SECISBP2L: variants seen among roughly 807,000 people sequenced by gnomAD.
The protein encoded by SECISBP2L is selenocysteine insertion sequence-binding protein 2-like.
SECISBP2L carries 43 observed loss-of-function variants against 114.7 expected under a neutral mutation model. The observed-to-expected ratio is 0.38, with a 90% CI of 0.29 to 0.48. The LOEUF (loss-of-function observed/expected upper bound fraction) is 0.48. Among genes scored for constraint, SECISBP2L ranks in the 20% least tolerant of loss-of-function variants. SECISBP2L has a pLI of 0.98. For synonymous variants in SECISBP2L, 451 were observed against 439.7 expected, an observed-to-expected ratio of 1.03 and a Z score of -0.32; for missense variants, 1,136 against 1,301.1, an observed-to-expected ratio of 0.87 and a Z score of 1.95.
Position 49,046,257 on chromosome 15 carries a change from C to T in SECISBP2L, c.24+19G>A. 6.4e-7 allele frequency: 1 copy of T among 1,564,766 alleles called. No homozygotes were observed. The highest frequency in any genetic ancestry group is 8.6e-7 in the Non-Finnish European group (1 of 1,158,616). On this transcript the variant is annotated intron_variant, in intron 1 of 17. Coordinates refer to ENST00000559471, the MANE Select transcript of SECISBP2L (RefSeq NM_001193489.2). ...GACCCCAACCCCCGGCTCGGCGGGC[C>T]CAGCCCAAACCCGCGTACCTGCTCC...
At chr15:49,043,559 T>C (rs1200244431) in intron 1 of SECISBP2L, among the ~76,000 whole-genome samples, 1 of 151,494 alleles carries the variant, frequency 6.6e-6, no homozygotes, top group Non-Finnish European at 1.5e-5. Context: ...AGTAAGCCTT[T>C]ATAAACAAAA....
chr15:49,023,314 G>C (rs1340636534), intron 7 of SECISBP2L, among the ~76,000 whole-genome samples: 1 of 152,122 alleles, frequency 6.6e-6, no homozygotes, highest in Non-Finnish European at 1.5e-5. Flanking sequence ...AAGTTCACAG[G>C]AAAAGAAGTA....
intron 14 of SECISBP2L, among the ~76,000 whole-genome samples, chr15:49,001,381 C>A (rs750947715): frequency 2.0e-5 from 3 of 151,856 alleles, no homozygotes; most frequent in Non-Finnish European, 4.4e-5. Flanking sequence ...TCCCCATCAC[C>A]TAGAAAAAGG....
chr15:49,044,250 T>C (rs1903198037), intron 1 of SECISBP2L, among the ~76,000 whole-genome samples: 1 of 152,132 alleles, frequency 6.6e-6, no homozygotes, highest in Non-Finnish European at 1.5e-5. Context: ...TTCACTTCAA[T>C]AGTAGAAATA....
At chr15:49,031,424 T>G (rs1018667653) in intron 4 of SECISBP2L, among the ~76,000 whole-genome samples, 49 of 152,342 alleles carry the variant, frequency 3.2e-4, no homozygotes, top group South Asian at 6.2e-4. Context: ...TTCAGTGTTA[T>G]TGTTAATGAC....
chr15:49,010,563 T>C (rs1902417781), intron 13 of SECISBP2L, among the ~76,000 whole-genome samples: 1 of 152,076 alleles, frequency 6.6e-6, no homozygotes. Context: ...CGGGCTGGAG[T>C]GCAGTGGCAT....
chr15:49,000,081 G>A, intron 15 of SECISBP2L, 94 bp from the exon 16 acceptor site: 2 of 1,301,268 alleles, frequency 1.5e-6, no homozygotes, highest in Non-Finnish European at 2.1e-6. Flanking sequence ...TCGCAGCAAA[G>A]AATTCTATGA....
At chr15:48,999,358 A>C (rs1189369241) in intron 16 of SECISBP2L, among the ~76,000 whole-genome samples, 1 of 152,168 alleles carries the variant, frequency 6.6e-6, no homozygotes, top group Non-Finnish European at 1.5e-5. Context: ...GCAGATTGCC[A>C]AAGAGATGAT....
At chr15:49,009,517 T>G (rs1902394427) in intron 13 of SECISBP2L, 139 bp from the exon 14 acceptor site, 1 of 714,684 alleles carries the variant, frequency 1.4e-6, no homozygotes, top group East Asian at 2.7e-5. Context: ...GGTGGGCATT[T>G]TTCATATCAC....
chr15:49,008,829 T>C (rs1902376397), intron 14 of SECISBP2L, among the ~76,000 whole-genome samples: 1 of 152,202 alleles, frequency 6.6e-6, no homozygotes, highest in African/African-American at 2.4e-5. Flanking sequence ...CTTCATATAA[T>C]AGGGTCTTAG....
chr15:49,006,236 C>A (rs927325455), intron 14 of SECISBP2L, among the ~76,000 whole-genome samples: 1 of 152,086 alleles, frequency 6.6e-6, no homozygotes, highest in Non-Finnish European at 1.5e-5. Context: ...TGGGTTTGTT[C>A]TTCTCAAGGA....
In SECISBP2L at chr15:49,012,739, G is replaced by A; in HGVS notation, c.1640C>T (p.Ser547Phe). The change falls in exon 12 of 18, where the codon TCC becomes TTC. Residue 547 changes from serine (S) to phenylalanine (F), a missense_variant. Transcript: ENST00000559471. The stretch of plus-strand genomic sequence containing the variant: ...AGAAGCAATGTCCACAGAATTAAAG[G>A]ATGTCAAACAGGGCTGACTTTTGGT... ...PLTKSQPCLT[S>F]FNSVDIASSK... The A allele has an allele frequency of 6.2e-7, 1 of 1,613,874 alleles. No homozygotes were observed.
rs1437054464 is a variant in SECISBP2L at position 49,031,011 on chromosome 15, G to A, written c.664+1954C>T. Among the ~76,000 whole-genome samples, 4 of 126,894 alleles carry A rather than the reference G, an allele frequency of 3.2e-5. No homozygotes were observed. In the South Asian group the frequency reaches 8.1e-4, roughly 26 times the overall value. The allele number at this position is 126,894 out of a possible 152,430, so 83.2% of individuals were successfully genotyped here. A position where few individuals can be genotyped will look rare whatever the true frequency, so the allele number is the denominator to read the frequency against. On this transcript the variant is annotated intron_variant, in intron 4 of 17. Coordinates refer to ENST00000559471, the MANE Select transcript of SECISBP2L (RefSeq NM_001193489.2). The stretch of plus-strand genomic sequence containing the variant: ...ACATGATATTTAGGTTTTTCTTAAT[G>A]TCCCATAATAAAGACTTATCATTTT...
intron 7 of SECISBP2L, 139 bp downstream of exon 7, chr15:49,027,226 G>C: frequency 1.9e-6 from 1 of 521,640 alleles, no homozygotes; most frequent in Admixed American, 3.2e-5. Flanking sequence ...AAGTTTATTA[G>C]CTAAGCCATT....
chr15:49,025,057 TAC>T (rs1428042648), intron 7 of SECISBP2L, among the ~76,000 whole-genome samples: 15 of 152,172 alleles, frequency 9.9e-5, no homozygotes, highest in African/African-American at 3.6e-4. Flanking sequence ...GACTAGCAAT[TAC>T]AGTCTCAACA....
chr15:49,037,712 T>C lies in SECISBP2L; in HGVS notation c.82A>G (p.Thr28Ala), dbSNP rs1903041775. The C allele has an allele frequency of 6.2e-7, 1 of 1,613,206 alleles. No individual in the cohort carries two copies. Among genetic ancestry groups the C allele is most frequent in the Non-Finnish European group, 8.5e-7 (1 of 1,179,538 alleles). ...PFIPQKKSPD[T>A]FMIPMALPND... ...GGGAGAGCCATAGGGATCATAAATG[T>C]ATCAGGACTCTTCTTCTGGGGAATA... Residue 28 changes from threonine (T) to alanine (A), a missense_variant, in exon 2 of 18, where the codon ACA becomes GCA. By Grantham distance (58) the Thr-to-Ala change is moderately conservative. Coordinates refer to ENST00000559471, the MANE Select transcript of SECISBP2L (RefSeq NM_001193489.2).
intron 14 of SECISBP2L, among the ~76,000 whole-genome samples, chr15:49,006,357 C>G (rs902111189): frequency 6.6e-6 from 1 of 152,106 alleles, no homozygotes; most frequent in Non-Finnish European, 1.5e-5. Context: ...AACTTGGTTC[C>G]ATTCTCCTCG....
At chr15:49,027,605 T>A (rs1174412190) in intron 6 of SECISBP2L, 125 bp from the exon 7 acceptor site, 2 of 433,328 alleles carry the variant, frequency 4.6e-6, no homozygotes, top group East Asian at 7.2e-5. Flanking sequence ...TCTATAAACC[T>A]TATTATTTTT....
intron 16 of SECISBP2L, among the ~76,000 whole-genome samples, chr15:48,998,201 G>A (rs1432069886): frequency 2.0e-5 from 3 of 152,190 alleles, no homozygotes; most frequent in Non-Finnish European, 4.4e-5. Context: ...ATAAGTCTCT[G>A]AAGATTCATC....
Sources: gnomAD v4.1 joint callset for allele counts (sites outside exome capture counted in the v4.1 genomes callset) on GRCh38, gnomAD v4.1.1 for gene constraint, MANE v1.5 for transcripts, NCBI Gene and HGNC (gene_info 2026-07-23, HGNC 2026-07-21) for gene names.